The following PLAC9 variants were observed in gnomAD, a reference collection of about 807,000 sequenced individuals.
PLAC9 encodes the protein placenta associated 9.
Under a neutral mutation model 11.5 loss-of-function variants are expected in PLAC9, and 12 were observed. That is an observed-to-expected ratio of 1.05 (90% CI 0.67 to 1.69). PLAC9 has a LOEUF of 1.69. PLAC9 is among the 40% of genes most tolerant of loss of function. The pLI is 0.00. For missense variants in PLAC9, 132 were observed against 130.5 expected (o/e 1.01, Z -0.06); for synonymous variants, 62 against 58.1 (o/e 1.07, Z -0.31).
At chr10:80,135,978 C>T (rs1350127747) in intron 1 of PLAC9, among the ~76,000 whole-genome samples, 4 of 152,258 alleles carry the variant, frequency 2.6e-5, no homozygotes, top group South Asian at 2.1e-4. Context: ...ACTGAGAAAA[C>T]ATTTCTCAAC....
intron 2 of PLAC9, 92 bp from the exon 3 acceptor site, chr10:80,144,131 A>G: frequency 6.3e-7 from 1 of 1,580,764 alleles, no homozygotes. Flanking sequence ...ACTGCACCGC[A>G]CTGGACCGCC....
intron 1 of PLAC9, among the ~76,000 whole-genome samples, chr10:80,141,277 T>C (rs1446245824): frequency 6.6e-6 from 1 of 152,176 alleles, no homozygotes; most frequent in East Asian, 1.9e-4. Flanking sequence ...AAAAAATTCA[T>C]GTTTGGCTCT....
At position 80,145,266 on chromosome 10, in the gene PLAC9, A is replaced by T. The variant is rs1845090291; in HGVS notation, c.*356A>T. 1 of 422,374 alleles carries T rather than the reference A, an allele frequency of 2.4e-6. No individual in the cohort carries two copies. Among genetic ancestry groups the T allele is most frequent in the African/African-American group, 2.1e-5 (1 of 47,848 alleles). The allele number at this position is 422,374 out of a possible 1,614,324, so 26.2% of individuals were successfully genotyped here. On this transcript the variant is annotated 3_prime_UTR_variant, in exon 4 of 4. Coordinates refer to ENST00000372263, the MANE Select transcript of PLAC9 (RefSeq NM_001012973.3). The stretch of plus-strand genomic sequence containing the variant: ...AAAGCAAGGGGATCAGGGTCTCAGG[A>T]CCCACCCAGACTGTTTAATCCAAAT...
chr10:80,142,123 A>C lies in PLAC9; in HGVS notation c.106A>C (p.Ser36Arg). The change falls in exon 2 of 4, where the codon AGC becomes CGC. Residue 36 changes from serine to arginine, a missense_variant. Coordinates refer to ENST00000372263, the MANE Select transcript of PLAC9 (RefSeq NM_001012973.3). ...CCCTCCGCGAGGAGACTCAGCTCAG[A>C]GCACAGCGTGTGACAGACACATGGC... The part of the protein sequence containing the change: ...FSPPRGDSAQ[S>R]TACDRHMAVQ... 6.2e-7 allele frequency: 1 copy of C among 1,611,794 alleles called. No homozygotes were observed. The highest frequency in any genetic ancestry group is 8.5e-7 in the Non-Finnish European group (1 of 1,178,194).
chr10:80,137,581 G>A (rs1035815517), intron 1 of PLAC9, among the ~76,000 whole-genome samples: 1 of 152,204 alleles, frequency 6.6e-6, no homozygotes, highest in African/African-American at 2.4e-5. Flanking sequence ...TCCTCTCCAA[G>A]CTGAGCAGCC....
intron 1 of PLAC9, among the ~76,000 whole-genome samples, chr10:80,133,958 AAG>A (rs1589402419): frequency 1.3e-5 from 2 of 150,756 alleles, no homozygotes. Flanking sequence ...AAAAAAAAAA[AAG>A]AAGAAGGAAA....
intron 1 of PLAC9, among the ~76,000 whole-genome samples, chr10:80,134,265 C>CTTTTT (rs559784722): frequency 6.7e-5 from 9 of 134,648 alleles, no homozygotes; most frequent in Non-Finnish European, 1.3e-4. Flanking sequence ...TTCTTTCTTT[C>CTTTTT]TTTTTTTTTT....
chr10:80,132,849 C>T, intron 1 of PLAC9, 23 bp downstream of exon 1: 2 of 1,481,446 alleles, frequency 1.4e-6, no homozygotes, highest in Non-Finnish European at 1.8e-6. Flanking sequence ...CAGGGCGCGG[C>T]AGGGGACCTG....
chr10:80,132,932 G>A, intron 1 of PLAC9, 106 bp downstream of exon 1: 1 of 905,806 alleles, frequency 1.1e-6, no homozygotes, highest in Non-Finnish European at 1.5e-6. Flanking sequence ...ACACAGCAGC[G>A]AGATGGACAG....
intron 1 of PLAC9, among the ~76,000 whole-genome samples, chr10:80,137,145 C>T (rs938320542): frequency 2.0e-5 from 3 of 152,204 alleles, no homozygotes; most frequent in Non-Finnish European, 2.9e-5. Flanking sequence ...CGGACAGTTG[C>T]TCCAGGGTGC....
chr10:80,144,838 C>T, intron 3 of PLAC9, 62 bp from the exon 4 acceptor site: 10 of 1,507,172 alleles, frequency 6.6e-6, no homozygotes, highest in Non-Finnish European at 8.9e-6. Flanking sequence ...TGCTGGGCAC[C>T]ACGGGGGCAG....
At chr10:80,135,960 C>T (rs1844970742) in intron 1 of PLAC9, among the ~76,000 whole-genome samples, 1 of 152,212 alleles carries the variant, frequency 6.6e-6, no homozygotes, top group Non-Finnish European at 1.5e-5. Flanking sequence ...CGGCACCTTT[C>T]AGATGCCACT....
chr10:80,132,943 A>G, intron 1 of PLAC9, 117 bp downstream of exon 1: 1 of 802,498 alleles, frequency 1.2e-6, no homozygotes, highest in Non-Finnish European at 1.8e-6. Flanking sequence ...AGATGGACAG[A>G]GAGGCAGATG....
intron 3 of PLAC9, 21 bp from the exon 4 acceptor site, chr10:80,144,879 G>A (rs779980688): frequency 1.3e-6 from 2 of 1,568,958 alleles, no homozygotes; most frequent in Non-Finnish European, 1.7e-6. Context: ...TTGCTCACTG[G>A]GGGCCTCTGC....
At chr10:80,143,080 C>T (rs1325333000) in intron 2 of PLAC9, among the ~76,000 whole-genome samples, 3 of 151,492 alleles carry the variant, frequency 2.0e-5, no homozygotes, top group South Asian at 4.2e-4. Context: ...TGCCCTGTCA[C>T]CCAGGCTGGA....
intron 2 of PLAC9, among the ~76,000 whole-genome samples, chr10:80,142,950 T>G (rs1479799529): frequency 6.6e-6 from 1 of 152,188 alleles, no homozygotes; most frequent in Non-Finnish European, 1.5e-5. Context: ...CTCGAACTCC[T>G]GAGCTCAAGC....
intron 1 of PLAC9, among the ~76,000 whole-genome samples, chr10:80,135,243 C>G (rs1666112380): frequency 6.6e-6 from 1 of 150,844 alleles, no homozygotes; most frequent in Admixed American, 6.6e-5. Flanking sequence ...AGGATGGTCT[C>G]GATCTCCTGA....
intron 1 of PLAC9, among the ~76,000 whole-genome samples, chr10:80,137,913 TAAAAA>T (rs1233192428): frequency 3.6e-5 from 4 of 112,300 alleles, no homozygotes; most frequent in Non-Finnish European, 7.6e-5. Context: ...AGACCCTGTC[TAAAAA>T]AAAAAAAAAA....
In PLAC9 at chr10:80,140,153, T is replaced by G. The variant is rs141071731; in HGVS notation, c.65-1929T>G. On this transcript the variant is annotated intron_variant, in intron 1 of 3. Transcript: ENST00000372263. The stretch of plus-strand genomic sequence containing the variant: ...GCCTCCCATCAGTTCAGGAAGTTCA[T>G]CCTTGGGTTCTCCTGTCTTCCTCCT... Among the ~76,000 whole-genome samples, 15 of 152,212 alleles carry G rather than the reference T, an allele frequency of 9.9e-5. No individual in the cohort carries two copies. In the East Asian group the frequency reaches 2.9e-3, roughly 29 times the overall value.
Sources: gnomAD v4.1 joint callset for allele counts (sites outside exome capture counted in the v4.1 genomes callset) on GRCh38, gnomAD v4.1.1 for gene constraint, MANE v1.5 for transcripts, NCBI Gene and HGNC (gene_info 2026-07-23, HGNC 2026-07-21) for gene names.